Variants in CHRM5 observed in about 807,000 individuals in gnomAD.
CHRM5 encodes the protein cholinergic receptor muscarinic 5.
In CHRM5, 18 loss-of-function variants were observed where a neutral mutation model predicts 39.0. The observed-to-expected ratio is 0.46, with a 90% CI of 0.32 to 0.68. CHRM5 has a LOEUF of 0.68. Among genes scored for constraint, CHRM5 ranks in the 30% least tolerant of loss-of-function variants. The probability of loss-of-function intolerance (pLI) is 0.04; values close to 1 mark genes in which losing one functional copy is unlikely to be tolerated. For synonymous variants in CHRM5, 241 were observed against 246.3 expected, an observed-to-expected ratio of 0.98 and a Z score of 0.20; for missense variants, 515 against 651.1, an observed-to-expected ratio of 0.79 and a Z score of 2.28.
chr15:33,971,358 A>G lies in CHRM5; in HGVS notation c.-408+2208A>G, dbSNP rs946470351. Among the ~76,000 whole-genome samples the G allele has an allele frequency of 2.6e-5, 4 of 152,066 alleles. No homozygotes were observed. The East Asian group carries it at 7.7e-4, about 29-fold the overall frequency. ...TTAGTTCCTTTCATAGAAATGGAGC[A>G]AATATTTTGGCTGCCATATCCTTAT... On this transcript the variant is annotated intron_variant, in intron 1 of 2. Transcript: ENST00000383263.
intron 1 of CHRM5, among the ~76,000 whole-genome samples, chr15:34,033,899 C>T (rs966399748): frequency 2.0e-5 from 3 of 152,020 alleles, no homozygotes; most frequent in Non-Finnish European, 2.9e-5. Context: ...GCGATTCTCC[C>T]GCCTCAGCCT....
chr15:33,979,840 T>C lies in CHRM5; in HGVS notation c.-408+10690T>C, dbSNP rs141860794. ...GAAAAATGCAATGCATATATGCTTA[T>C]ATATTTTTCTTTTATCAACTGCTGG... On this transcript the variant is annotated intron_variant, in intron 1 of 2. Coordinates refer to ENST00000383263, the MANE Select transcript of CHRM5 (RefSeq NM_012125.4). 4.6e-3 allele frequency among the ~76,000 whole-genome samples: 708 copies of C among 152,360 alleles called. 2 individuals carry two copies. The highest frequency in any genetic ancestry group is 0.014 in the African/African-American group (595 of 41,594).
At chr15:34,018,722 A>G (rs1320712270) in intron 1 of CHRM5, among the ~76,000 whole-genome samples, 1 of 152,118 alleles carries the variant, frequency 6.6e-6, no homozygotes, top group Admixed American at 6.5e-5. Flanking sequence ...TTATTCCCTT[A>G]TTTGGCCCTG....
intron 1 of CHRM5, among the ~76,000 whole-genome samples, chr15:33,996,832 G>A (rs1326225823): frequency 6.6e-6 from 1 of 152,230 alleles, no homozygotes; most frequent in Admixed American, 6.5e-5. Flanking sequence ...GCTAGCAAGA[G>A]AACAAAGCTG....
chr15:34,039,515 T>C (rs1185546273), intron 1 of CHRM5, among the ~76,000 whole-genome samples: 2 of 152,242 alleles, frequency 1.3e-5, no homozygotes, highest in Non-Finnish European at 2.9e-5. Context: ...AGTTAATTTT[T>C]TTTCCTCCGT....
chr15:33,997,919 C>T (rs1487638259), intron 1 of CHRM5, among the ~76,000 whole-genome samples: 2 of 152,092 alleles, frequency 1.3e-5, no homozygotes, highest in Non-Finnish European at 2.9e-5. Flanking sequence ...TCATGTGGGC[C>T]CCTATTGTCA....
At chr15:33,993,966 T>C (rs1896832177) in intron 1 of CHRM5, among the ~76,000 whole-genome samples, 1 of 152,242 alleles carries the variant, frequency 6.6e-6, no homozygotes, top group Non-Finnish European at 1.5e-5. Flanking sequence ...ATTCCACTAT[T>C]AATGAATATT....
chr15:34,041,988 T>C (rs895249397), intron 1 of CHRM5, among the ~76,000 whole-genome samples: 1 of 152,156 alleles, frequency 6.6e-6, no homozygotes, highest in Non-Finnish European at 1.5e-5. Context: ...CAAGAGTGTT[T>C]AGGATAGGAA....
chr15:33,989,748 C>G (rs1896637368), intron 1 of CHRM5, among the ~76,000 whole-genome samples: 1 of 151,886 alleles, frequency 6.6e-6, no homozygotes, highest in Non-Finnish European at 1.5e-5. Flanking sequence ...TATCAACTTC[C>G]AATTAAATAT....
At chr15:34,027,573 A>G (rs557460791) in intron 1 of CHRM5, among the ~76,000 whole-genome samples, 2 of 151,824 alleles carry the variant, frequency 1.3e-5, no homozygotes, top group South Asian at 4.2e-4. Flanking sequence ...CAACTATGGT[A>G]ACTGTGAAAA....
intron 1 of CHRM5, among the ~76,000 whole-genome samples, chr15:33,974,721 C>T (rs765914084): frequency 1.1e-4 from 17 of 152,124 alleles, no homozygotes; most frequent in Non-Finnish European, 2.2e-4. Flanking sequence ...GCCTGTAATC[C>T]CAGCACTTTG....
chr15:33,995,542 C>T (rs760552731), intron 1 of CHRM5, among the ~76,000 whole-genome samples: 3 of 152,162 alleles, frequency 2.0e-5, no homozygotes, highest in Non-Finnish European at 4.4e-5. Context: ...CAAGGGAAAA[C>T]TTTTGAGTCC....
intron 1 of CHRM5, among the ~76,000 whole-genome samples, chr15:34,014,906 G>GAAT (rs1237020700): frequency 6.6e-6 from 1 of 152,136 alleles, no homozygotes; most frequent in Non-Finnish European, 1.5e-5. Context: ...AGCAGAAGAG[G>GAAT]AATAATAAAA....
intron 1 of CHRM5, among the ~76,000 whole-genome samples, chr15:33,977,742 A>G (rs1895946787): frequency 6.6e-6 from 1 of 152,268 alleles, no homozygotes; most frequent in East Asian, 1.9e-4. Context: ...AGAGCAAGTA[A>G]GTCCTCCCTG....
intron 1 of CHRM5, among the ~76,000 whole-genome samples, chr15:33,996,269 G>A (rs59031451): frequency 0.18 from 27,041 of 152,114 alleles, 3,306 homozygotes; most frequent in African/African-American, 0.34. Flanking sequence ...CTGGACAAAC[G>A]GCAGCAGAAA....
Position 34,063,040 on chromosome 15 carries a change from C to T in CHRM5, c.323C>T (p.Ala108Val). ...AGTCTGGCTTGTGACCTTTGGCTTG[C>T]ACTGGACTACGTGGCCAGCAACGCT... ...LGSLACDLWLALDYVASNASV... is the reference protein window; with the variant it reads ...LGSLACDLWLVLDYVASNASV... The change falls in exon 3 of 3, where the codon GCA (alanine) becomes GTA (valine). Residue 108 changes from alanine (A) to valine (V), a missense_variant. Transcript: ENST00000383263. This position sits in a 1 kb window ranked among gnomAD's most constrained non-coding sequence, Gnocchi z 4.1. The T allele has an allele frequency of 6.2e-7, 1 of 1,614,248 alleles. No homozygotes were observed. Among genetic ancestry groups the T allele is most frequent in the East Asian group, 2.2e-5 (1 of 44,888 alleles).
Position 34,043,062 on chromosome 15 carries a change from A to G in CHRM5, c.-407-3478A>G, listed in dbSNP as rs564485437. 1.5e-3 allele frequency among the ~76,000 whole-genome samples: 230 copies of G among 152,134 alleles called. 2 individuals carry two copies. Among genetic ancestry groups the G allele is most frequent in the African/African-American group, 5.3e-3 (220 of 41,518 alleles). ...GGAGATTGAGACCATCCTGGCTAAC[A>G]CAGTGAAACCCCGTCTCTACTGAAA... On this transcript the variant is annotated intron_variant, in intron 1 of 2. Coordinates refer to ENST00000383263, the MANE Select transcript of CHRM5 (RefSeq NM_012125.4).
chr15:34,054,947 C>T (rs1036977195), intron 2 of CHRM5, among the ~76,000 whole-genome samples: 2 of 151,860 alleles, frequency 1.3e-5, no homozygotes, highest in African/African-American at 4.8e-5. Context: ...AATCCCAGCA[C>T]TTTGGGAGGC....
intron 1 of CHRM5, among the ~76,000 whole-genome samples, chr15:34,001,861 A>G (rs1186800867): frequency 9.2e-5 from 14 of 152,246 alleles, no homozygotes; most frequent in Non-Finnish European, 1.3e-4. Flanking sequence ...TAAAGAAGAA[A>G]GGTAGAACTA....
Sources: gnomAD v4.1 joint callset for allele counts (sites outside exome capture counted in the v4.1 genomes callset) on GRCh38, gnomAD v4.1.1 for gene constraint, Gnocchi (gnomAD v3.1) non-coding constraint, MANE v1.5 for transcripts, NCBI Gene and HGNC (gene_info 2026-07-23, HGNC 2026-07-21) for gene names.